YJU2: variants seen among roughly 807,000 people sequenced by gnomAD.
The protein encoded by YJU2 is YJU2 splicing factor homolog.
In YJU2, 28 loss-of-function variants were observed where a neutral mutation model predicts 39.6. The ratio of observed to expected loss-of-function variants is 0.71; its 90% CI spans 0.52 to 0.97. The LOEUF (loss-of-function observed/expected upper bound fraction) is 0.97. Among genes scored for constraint, YJU2 ranks in the 50% least tolerant of loss-of-function variants. The pLI, the probability that YJU2 is intolerant of heterozygous loss-of-function variation, is 0.00. For synonymous variants in YJU2, 184 were observed against 182.4 expected, an observed-to-expected ratio of 1.01 and a Z score of -0.07; for missense variants, 328 against 430.4, an observed-to-expected ratio of 0.76 and a Z score of 2.11.
intron 6 of YJU2, among the ~76,000 whole-genome samples, chr19:4,264,631 C>T (rs190311928): frequency 1.4e-4 from 22 of 151,960 alleles, no homozygotes; most frequent in African/African-American, 2.4e-4. Context: ...GGATTACAGG[C>T]GCCTGCCACC....
chr19:4,248,572 C>G (rs1182622150), intron 1 of YJU2, among the ~76,000 whole-genome samples: 1 of 152,138 alleles, frequency 6.6e-6, no homozygotes, highest in East Asian at 1.9e-4. Context: ...AGTTGGGACT[C>G]CTCGGGGAAC....
At chr19:4,261,108 G>T (rs1256402693) in intron 5 of YJU2, among the ~76,000 whole-genome samples, 1 of 152,126 alleles carries the variant, frequency 6.6e-6, no homozygotes, top group Non-Finnish European at 1.5e-5. Context: ...TGCCCAGGCT[G>T]GTCTCATGCT....
chr19:4,248,187 G>A (rs758268252), intron 1 of YJU2: 2 of 152,202 alleles, frequency 1.3e-5, no homozygotes, highest in Non-Finnish European at 2.9e-5. Flanking sequence ...GTCTTTCTAG[G>A]AGAGCAGTCT....
intron 3 of YJU2, 72 bp from the exon 4 acceptor site, chr19:4,254,283 C>G (rs886201151): frequency 9.1e-7 from 1 of 1,096,102 alleles, no homozygotes; most frequent in Non-Finnish European, 1.4e-6. Context: ...GGGCCCTGAT[C>G]TGCTGGTGGT....
chr19:4,259,633 G>C (rs2144695713), intron 5 of YJU2, among the ~76,000 whole-genome samples: 1 of 152,212 alleles, frequency 6.6e-6, no homozygotes, highest in East Asian at 1.9e-4. Flanking sequence ...TCCCACCTTA[G>C]TCTCCTGAAG....
chr19:4,249,518 C>T (rs570436863), intron 2 of YJU2, among the ~76,000 whole-genome samples, 190 bp downstream of exon 2: 1 of 152,122 alleles, frequency 6.6e-6, no homozygotes, highest in South Asian at 2.1e-4. Context: ...CTTTTAGAGC[C>T]CTCCAGCCAG....
At position 4,268,666 on chromosome 19, in the gene YJU2, G is replaced by A. The variant is rs2144703077; in HGVS notation, c.942G>A (p.Leu314=). Residue 314 remains leucine, a synonymous_variant, in exon 8 of 8, where the codon CTG becomes CTA. Coordinates refer to ENST00000262962, the MANE Select transcript of YJU2 (RefSeq NM_018074.6). ...CCCTGAGCCAACTGGGTGCATACCT[G>A]GACAGTGACGACAGCAACGGCAGCA... The part of the protein sequence containing the change: ...ASSLSQLGAY[L]DSDDSNGSN 1 of 1,613,822 alleles carries A rather than the reference G, an allele frequency of 6.2e-7. No individual in the cohort carries two copies. The highest frequency in any genetic ancestry group is 8.5e-7 in the Non-Finnish European group (1 of 1,179,904).
intron 6 of YJU2, among the ~76,000 whole-genome samples, chr19:4,264,277 A>AG (rs1427560530): frequency 6.7e-6 from 1 of 149,682 alleles, no homozygotes; most frequent in Admixed American, 6.7e-5. Context: ...AAAAAAAAAA[A>AG]AAAAAAAAAG....
At chr19:4,247,598 T>TGGCGTGGC (rs1599494493) in intron 1 of YJU2, among the ~76,000 whole-genome samples, 2 of 5,436 alleles carry the variant, frequency 3.7e-4, no homozygotes, top group East Asian at 3.9e-3. Flanking sequence ...TGTGTGTGTG[T>TGGCGTGGC]GTGTGTGTGT....
At chr19:4,253,373 T>C (rs1970993370) in intron 3 of YJU2, among the ~76,000 whole-genome samples, 1 of 152,152 alleles carries the variant, frequency 6.6e-6, no homozygotes, top group African/African-American at 2.4e-5. Context: ...GTCCAAGAGT[T>C]AGAGACCAGC....
At chr19:4,253,575 T>C (rs542027365) in intron 3 of YJU2, among the ~76,000 whole-genome samples, 2 of 152,208 alleles carry the variant, frequency 1.3e-5, no homozygotes, top group South Asian at 4.2e-4. Flanking sequence ...CACGAGACCC[T>C]GTCCCCAAAA....
Position 4,247,097 on chromosome 19 carries a change from A to G in YJU2, c.-50A>G. 2 of 1,586,382 alleles carry G rather than the reference A, an allele frequency of 1.3e-6. No homozygotes were observed. Among genetic ancestry groups the G allele is most frequent in the Non-Finnish European group, 1.7e-6 (2 of 1,154,758 alleles). ...CTTCCGTCGGAAAAGCTCGATAATT[A>G]CCCAGCCTAACCATTTCTCAGGTGC... On this transcript the variant is annotated 5_prime_UTR_variant, in exon 1 of 8. Coordinates refer to ENST00000262962, the MANE Select transcript of YJU2 (RefSeq NM_018074.6).
rs755554451 is a variant in YJU2, at chr19:4,258,438, G to C, written c.587+15G>C. On this transcript the variant is annotated intron_variant, in intron 5 of 7. Transcript: ENST00000262962. ...CAGGAGACCGCGTGAGTCAGGGCCGGCCCAACCCAGCCCCACCTCGCAGCC... is the reference window on the plus strand; with the variant it reads ...CAGGAGACCGCGTGAGTCAGGGCCGCCCCAACCCAGCCCCACCTCGCAGCC... 6.4e-6 allele frequency: 10 copies of C among 1,564,226 alleles called. No individual in the cohort carries two copies. Among genetic ancestry groups the C allele is most frequent in the Non-Finnish European group, 8.7e-6 (10 of 1,154,942 alleles).
At chr19:4,256,178 AAAAAT>A (rs1352698578) in intron 4 of YJU2, among the ~76,000 whole-genome samples, 53 of 97,090 alleles carry the variant, frequency 5.5e-4, no homozygotes, top group African/African-American at 2.9e-3. Flanking sequence ...GCAAAAAAAA[AAAAAT>A]ATATATATAT....
At chr19:4,263,622 C>A (rs1267952699) in intron 6 of YJU2, among the ~76,000 whole-genome samples, 2 of 151,472 alleles carry the variant, frequency 1.3e-5, no homozygotes, top group Admixed American at 1.3e-4. Flanking sequence ...CCAGCCTGGC[C>A]AACATGGAGA....
chr19:4,247,302 C>CAGACTCCTCCCT (rs1166599998), intron 1 of YJU2, 132 bp downstream of exon 1: 4 of 760,488 alleles, frequency 5.3e-6, no homozygotes, highest in Non-Finnish European at 8.8e-6. Flanking sequence ...TGGGGCTTCC[C>CAGACTCCTCCCT]AGACTCCTCC....
intron 2 of YJU2, among the ~76,000 whole-genome samples, chr19:4,250,296 C>A (rs1158119651): frequency 6.6e-6 from 1 of 152,154 alleles, no homozygotes; most frequent in Non-Finnish European, 1.5e-5. Context: ...TTCATTTATT[C>A]ATTCAACACT....
At chr19:4,251,244 C>T in intron 3 of YJU2, 73 bp downstream of exon 3, 1 of 1,427,966 alleles carries the variant, frequency 7.0e-7, no homozygotes, top group Non-Finnish European at 9.7e-7. Flanking sequence ...CCTGGGGTTC[C>T]TTAACTCCAA....
intron 5 of YJU2, among the ~76,000 whole-genome samples, chr19:4,259,070 T>C (rs1971048669): frequency 7.0e-6 from 1 of 143,086 alleles, no homozygotes; most frequent in Non-Finnish European, 1.5e-5. Context: ...TGAACACTTT[T>C]CTTTTTTTTT....
Sources: gnomAD v4.1 joint callset for allele counts (sites outside exome capture counted in the v4.1 genomes callset) on GRCh38, gnomAD v4.1.1 for gene constraint, MANE v1.5 for transcripts, NCBI Gene and HGNC (gene_info 2026-07-23, HGNC 2026-07-21) for gene names.